CSMD3: variants seen among roughly 807,000 people sequenced by gnomAD.
CSMD3 encodes CUB and Sushi multiple domains 3, also known as CUB and sushi domain-containing protein 3.
A neutral mutation model predicts 435.2 loss-of-function variants in CSMD3; 177 were observed. That is an observed-to-expected ratio of 0.41 (90% confidence interval 0.36 to 0.46). The LOEUF is 0.46. Ranked by LOEUF, CSMD3 falls within the 20% of genes least tolerant of loss-of-function variation. The probability of loss-of-function intolerance (pLI) is 0.34; values close to 1 mark genes in which losing one functional copy is unlikely to be tolerated. For synonymous variants in CSMD3, 1,656 were observed against 1,520.5 expected, an observed-to-expected ratio of 1.09 and a Z score of -2.07; for missense variants, 4,265 against 4,504.6, an observed-to-expected ratio of 0.95 and a Z score of 1.52.
chr8:113,202,006 A>G (rs1486962184), intron 3 of CSMD3, among the ~76,000 whole-genome samples: 1 of 152,110 alleles, frequency 6.6e-6, no homozygotes, highest in African/African-American at 2.4e-5. Flanking sequence ...ACTAAAACAG[A>G]GCCACAAAGC....
At chr8:113,242,691 T>A (rs574149671) in intron 3 of CSMD3, among the ~76,000 whole-genome samples, 10 of 152,156 alleles carry the variant, frequency 6.6e-5, no homozygotes, top group African/African-American at 2.4e-4. Context: ...GAAATGCACT[T>A]CAAGTATGCA....
intron 62 of CSMD3, 86 bp from the exon 63 acceptor site, chr8:112,254,412 G>T: frequency 1.1e-6 from 1 of 914,956 alleles, no homozygotes; most frequent in East Asian, 2.4e-5. Context: ...AAATAATCTG[G>T]GGTTTGGTAC....
chr8:113,351,994 A>T (rs1400650005), intron 1 of CSMD3, among the ~76,000 whole-genome samples: 2 of 152,090 alleles, frequency 1.3e-5, no homozygotes, highest in East Asian at 3.9e-4. Flanking sequence ...CTTTACCTTG[A>T]ACTTCCATGA....
intron 3 of CSMD3, among the ~76,000 whole-genome samples, chr8:113,206,050 T>C (rs1006436791): frequency 2.6e-5 from 4 of 152,098 alleles, no homozygotes; most frequent in African/African-American, 9.7e-5. Flanking sequence ...TATCAACAGC[T>C]GTTTTTGCAC....
chr8:112,474,582 G>A (rs1818856310), intron 31 of CSMD3, among the ~76,000 whole-genome samples: 1 of 152,154 alleles, frequency 6.6e-6, no homozygotes, highest in African/African-American at 2.4e-5. Flanking sequence ...TTGAGAAAAG[G>A]AGATTAGAAA....
At chr8:112,333,838 C>T (rs901734138) in intron 45 of CSMD3, among the ~76,000 whole-genome samples, 2 of 151,942 alleles carry the variant, frequency 1.3e-5, no homozygotes, top group African/African-American at 4.8e-5. Context: ...TCAAGCAGTA[C>T]ATAAAATGAT....
chr8:113,173,677 C>A (rs2092304442), intron 4 of CSMD3, 45 bp downstream of exon 4: 1 of 1,448,510 alleles, frequency 6.9e-7, no homozygotes, highest in African/African-American at 1.4e-5. Context: ...TTTTCAAATA[C>A]ACTGGCTGAT....
chr8:113,034,480 A>C (rs1482158207), intron 5 of CSMD3, among the ~76,000 whole-genome samples: 1 of 145,476 alleles, frequency 6.9e-6, no homozygotes, highest in Non-Finnish European at 1.6e-5. Context: ...AATAGGCAAC[A>C]ATAAAGGCAA....
At chr8:113,148,878 T>G (rs1180431742) in intron 4 of CSMD3, among the ~76,000 whole-genome samples, 1 of 149,292 alleles carries the variant, frequency 6.7e-6, no homozygotes, top group Non-Finnish European at 1.5e-5. Flanking sequence ...CAACAGTATT[T>G]ACTTTAATTA....
chr8:112,479,779 C>T (rs1049714626), intron 31 of CSMD3, among the ~76,000 whole-genome samples: 5 of 152,194 alleles, frequency 3.3e-5, no homozygotes, highest in African/African-American at 4.8e-5. Context: ...TAGAAAATCC[C>T]GGGTGCCCAG....
intron 23 of CSMD3, among the ~76,000 whole-genome samples, chr8:112,581,136 G>A (rs1226444615): frequency 6.6e-6 from 1 of 151,980 alleles, no homozygotes; most frequent in African/African-American, 2.4e-5. Flanking sequence ...ATCTAATTTA[G>A]TCATTACAGC....
At chr8:112,277,315 C>G (rs890106858) in intron 59 of CSMD3, among the ~76,000 whole-genome samples, 2 of 152,160 alleles carry the variant, frequency 1.3e-5, no homozygotes, top group African/African-American at 4.8e-5. Flanking sequence ...TTCCACAAAT[C>G]TCTAGGGCAA....
chr8:112,259,773 C>G (rs1011567601), intron 61 of CSMD3, among the ~76,000 whole-genome samples: 1 of 152,024 alleles, frequency 6.6e-6, no homozygotes, highest in Non-Finnish European at 1.5e-5. Flanking sequence ...AACCCAAAAG[C>G]CAGGGACACT....
intron 24 of CSMD3, among the ~76,000 whole-genome samples, chr8:112,567,920 G>C (rs1829188054): frequency 6.6e-6 from 1 of 152,134 alleles, no homozygotes; most frequent in African/African-American, 2.4e-5. Flanking sequence ...CAAGTAACTT[G>C]TGTCGCGTAA....
chr8:112,266,799 C>G (rs1313438690), intron 59 of CSMD3, among the ~76,000 whole-genome samples: 3 of 152,156 alleles, frequency 2.0e-5, no homozygotes, highest in African/African-American at 7.2e-5. Context: ...CAAGTGATAA[C>G]TGTTTTGAGG....
chr8:112,527,959 G>T (rs892470868), intron 27 of CSMD3, among the ~76,000 whole-genome samples: 6 of 152,108 alleles, frequency 3.9e-5, no homozygotes, highest in African/African-American at 1.4e-4. Flanking sequence ...TCTCAGAAGA[G>T]AATTTAGAAT....
intron 3 of CSMD3, among the ~76,000 whole-genome samples, chr8:113,274,888 G>C (rs971504839): frequency 7.2e-6 from 1 of 138,794 alleles, no homozygotes; most frequent in African/African-American, 2.6e-5. Context: ...GGGAGGGAGG[G>C]AGGGAGGCAG....
At chr8:112,278,156 C>T (rs1165024807) in intron 59 of CSMD3, among the ~76,000 whole-genome samples, 1 of 152,150 alleles carries the variant, frequency 6.6e-6, no homozygotes, top group Non-Finnish European at 1.5e-5. Context: ...TAGGCAACCA[C>T]AGAGCAACTG....
intron 11 of CSMD3, among the ~76,000 whole-genome samples, chr8:112,842,938 C>T (rs2080222367): frequency 6.6e-6 from 1 of 151,708 alleles, no homozygotes; most frequent in Admixed American, 6.6e-5. Context: ...TAAAATGAAT[C>T]TGCCTCTAAC....
Sources: allele counts gnomAD v4.1 joint callset (sites outside exome capture counted in the v4.1 genomes callset), GRCh38; gene constraint gnomAD v4.1.1; transcripts MANE v1.5; gene names NCBI Gene and HGNC (gene_info 2026-07-23, HGNC 2026-07-21).